Variants in DDX21 observed in about 807,000 individuals in gnomAD.
DDX21 encodes the protein DExD-box helicase 21.
Under a neutral mutation model 90.0 loss-of-function variants are expected in DDX21, and 18 were observed. That is an observed-to-expected ratio of 0.20 (90% confidence interval 0.14 to 0.30). The LOEUF (loss-of-function observed/expected upper bound fraction) is 0.30. DDX21 is among the 10% of genes least tolerant of loss of function. The pLI, the probability that DDX21 is intolerant of heterozygous loss-of-function variation, is 1.00. For missense variants in DDX21, 673 were observed against 944.5 expected (o/e 0.71, Z 3.77); for synonymous variants, 294 against 318.0 (o/e 0.92, Z 0.80).
At chr10:68,980,269 CT>C (rs1387711808) in intron 13 of DDX21, among the ~76,000 whole-genome samples, 1 of 152,054 alleles carries the variant, frequency 6.6e-6, no homozygotes, top group Non-Finnish European at 1.5e-5. Context: ...ATATATAAAT[CT>C]TTTCCTCCAA....
Position 68,984,683 on chromosome 10 carries a change from CTTG to C in DDX21, c.*1876_*1878del, listed in dbSNP as rs1425621309. The stretch of plus-strand genomic sequence containing the variant: ...TCCTTTAGAAAAGAACAGCTAAAAC[CTTG>C]TTGTGGATTATGGATTTAGCCTAAA... On this transcript the variant is annotated 3_prime_UTR_variant, in exon 15 of 15. Transcript: ENST00000354185. 1 of 152,096 alleles carries C rather than the reference CTTG, an allele frequency of 6.6e-6. No individual in the cohort carries two copies. The highest frequency in any genetic ancestry group is 2.1e-4 in the South Asian group (1 of 4,826). 9.4% of individuals were successfully genotyped at this position (152,096 alleles called of 1,614,324 possible). A position where few individuals can be genotyped will look rare whatever the true frequency, so the allele number is the denominator to read the frequency against.
chr10:68,961,840 G>T (rs1202804559), intron 2 of DDX21, among the ~76,000 whole-genome samples: 3 of 152,176 alleles, frequency 2.0e-5, no homozygotes, highest in Non-Finnish European at 4.4e-5. Flanking sequence ...TTGAGATCTA[G>T]TTACCCAGTA....
intron 5 of DDX21, among the ~76,000 whole-genome samples, chr10:68,966,067 C>T (rs1037527760): frequency 1.3e-5 from 2 of 150,946 alleles, no homozygotes; most frequent in African/African-American, 2.4e-5. Flanking sequence ...GAGGCTGAGG[C>T]GGGCAGATCA....
At chr10:68,981,444 T>C in intron 13 of DDX21, 93 bp from the exon 14 acceptor site, 1 of 1,202,690 alleles carries the variant, frequency 8.3e-7, no homozygotes, top group South Asian at 1.3e-5. Flanking sequence ...TTATGTTTTT[T>C]GTTTTCTTTT....
At chr10:68,963,239 G>C in intron 3 of DDX21, 52 bp from the exon 4 acceptor site, 1 of 1,535,162 alleles carries the variant, frequency 6.5e-7, no homozygotes, top group Non-Finnish European at 8.8e-7. Flanking sequence ...TGTCAGTATG[G>C]CTAATGTTTT....
chr10:68,977,998 A>G (rs1190448514), intron 12 of DDX21, among the ~76,000 whole-genome samples: 1 of 151,918 alleles, frequency 6.6e-6, no homozygotes, highest in Non-Finnish European at 1.5e-5. Context: ...CTGTGGTCCC[A>G]GCTACCTGGG....
intron 1 of DDX21, among the ~76,000 whole-genome samples, chr10:68,958,091 T>G (rs1456741537): frequency 6.6e-6 from 1 of 152,208 alleles, no homozygotes; most frequent in East Asian, 1.9e-4. Context: ...TTTATAACTT[T>G]TTGTTTCATA....
chr10:68,958,162 G>A (rs1284225179), intron 1 of DDX21, among the ~76,000 whole-genome samples: 3 of 151,924 alleles, frequency 2.0e-5, no homozygotes, highest in Non-Finnish European at 4.4e-5. Flanking sequence ...TCGTTGCCCA[G>A]GCTTGTTCTC....
intron 9 of DDX21, among the ~76,000 whole-genome samples, chr10:68,972,675 A>G (rs1237241902): frequency 6.6e-6 from 1 of 152,160 alleles, no homozygotes; most frequent in Admixed American, 6.5e-5. Flanking sequence ...TGGTATAAAC[A>G]TTGTTTCACG....
chr10:68,966,995 A>G (rs915968207), intron 5 of DDX21, 23 bp from the exon 6 acceptor site: 5 of 1,600,170 alleles, frequency 3.1e-6, no homozygotes, highest in Admixed American at 1.7e-5. Context: ...AAACCCAGCA[A>G]ATCTTGTCAT....
chr10:68,983,040 A>G lies in DDX21; in HGVS notation c.*228A>G, dbSNP rs972487646. 3 of 599,606 alleles carry G rather than the reference A, an allele frequency of 5.0e-6. No individual in the cohort carries two copies. Among genetic ancestry groups the G allele is most frequent in the South Asian group, 2.3e-5 (1 of 44,310 alleles). The allele number at this position is 599,606 out of a possible 1,614,324, so 37.1% of individuals were successfully genotyped here. A position where few individuals can be genotyped will look rare whatever the true frequency, so the allele number is the denominator to read the frequency against. Reference sequence around the variant, plus strand: ...ATCAGTTTTTCCTTTTGAAAGGTGTATGAATTCATTACATTTTTATTCTAA... The same window carrying G: ...ATCAGTTTTTCCTTTTGAAAGGTGTGTGAATTCATTACATTTTTATTCTAA... On this transcript the variant is annotated 3_prime_UTR_variant, in exon 15 of 15. Coordinates refer to ENST00000354185, the MANE Select transcript of DDX21 (RefSeq NM_004728.4).
chr10:68,968,951 A>T, intron 6 of DDX21, 25 bp from the exon 7 acceptor site: 5 of 1,610,574 alleles, frequency 3.1e-6, no homozygotes, highest in Non-Finnish European at 4.2e-6. Context: ...ATTCATACTG[A>T]CTTTTTTTTT....
chr10:68,958,289 G>A (rs1034110717), intron 1 of DDX21, among the ~76,000 whole-genome samples: 1 of 151,518 alleles, frequency 6.6e-6, no homozygotes, highest in Non-Finnish European at 1.5e-5. Flanking sequence ...ATTTTTTGTA[G>A]AGACAGAGTC....
In DDX21 at chr10:68,977,665, C is replaced by T. The variant is rs1425960139; in HGVS notation, c.1879C>T (p.Arg627Cys). Reference sequence around the variant, plus strand: ...TTCAGGTGCCACGTCCGTAGACCAGCGCTCCTTGATCAACTCAAATGTGGT... The same window carrying T: ...TTCAGGTGCCACGTCCGTAGACCAGTGCTCCTTGATCAACTCAAATGTGGT... ...HISGATSVDQ[R>C]SLINSNVGFV... is the part of the protein sequence containing the mutation. The change falls in exon 12 of 15, where the codon CGC (arginine) becomes TGC (cysteine). Residue 627 changes from arginine to cysteine, a missense_variant. Around this residue, in one of 4 missense-constraint regions of DDX21, gnomAD observed 225 missense variants for 298.8 expected, o/e 0.75. Transcript: ENST00000354185. The T allele has an allele frequency of 2.5e-6, 4 of 1,612,664 alleles. No homozygotes were observed. Among genetic ancestry groups the T allele is most frequent in the Non-Finnish European group, 3.4e-6 (4 of 1,179,058 alleles).
In DDX21 at chr10:68,977,424, C is replaced by T. The variant is rs2132093758; in HGVS notation, c.1743-105C>T. On this transcript the variant is annotated intron_variant, in intron 11 of 14. Transcript: ENST00000354185. ...TACTGCATCAAAAATAAATATGTTACACATGTGAAAGATTTGGAAAGTTAC... is the reference window on the plus strand; with the variant it reads ...TACTGCATCAAAAATAAATATGTTATACATGTGAAAGATTTGGAAAGTTAC... 2.9e-6 allele frequency: 3 copies of T among 1,040,344 alleles called. No homozygotes were observed. The South Asian group carries it at 6.2e-5, about 22-fold the overall frequency. 64.4% of individuals were successfully genotyped at this position (1,040,344 alleles called of 1,614,324 possible).
At chr10:68,964,720 G>C (rs1045497885) in intron 4 of DDX21, among the ~76,000 whole-genome samples, 19 of 146,518 alleles carry the variant, frequency 1.3e-4, no homozygotes, top group Admixed American at 1.4e-4. Flanking sequence ...TTGGAGTGCG[G>C]TGGTGCAATC....
intron 7 of DDX21, among the ~76,000 whole-genome samples, 164 bp from the exon 8 acceptor site, chr10:68,970,037 T>C (rs1843000153): frequency 6.6e-6 from 1 of 152,204 alleles, no homozygotes; most frequent in Admixed American, 6.5e-5. Context: ...TATTTAGGTT[T>C]TTTTCTGTCA....
intron 4 of DDX21, among the ~76,000 whole-genome samples, chr10:68,964,765 C>T (rs763258410): frequency 4.0e-5 from 6 of 150,336 alleles, no homozygotes; most frequent in East Asian, 2.0e-4. Flanking sequence ...GTGATCCTCC[C>T]GCCTCAACAT....
In DDX21 at chr10:68,976,949, C is replaced by CT. The variant is rs1013245977; in HGVS notation, c.1743-570dup. 5.0e-4 allele frequency among the ~76,000 whole-genome samples: 74 copies of CT among 148,136 alleles called. 2 individuals carry two copies. In the South Asian group the frequency reaches 0.012, roughly 23 times the overall value. Reference sequence around the variant, plus strand: ...GTCTTTTTCTTATTTCTTTTATTTTCTTTTTTTTTTAAAGAGACGGAGTTT... The same window carrying CT: ...GTCTTTTTCTTATTTCTTTTATTTTCTTTTTTTTTTTAAAGAGACGGAGTTT... On this transcript the variant is annotated intron_variant, in intron 11 of 14. Transcript: ENST00000354185.
Sources: allele counts gnomAD v4.1 joint callset (sites outside exome capture counted in the v4.1 genomes callset), GRCh38; gene constraint gnomAD v4.1.1; regional missense constraint gnomAD v4.1.1; transcripts MANE v1.5; gene names NCBI Gene and HGNC (gene_info 2026-07-23, HGNC 2026-07-21).